Variants in BRWD3 observed in about 807,000 individuals in gnomAD.
BRWD3 encodes bromodomain and WD repeat-containing protein 3.
BRWD3 carries 10 observed loss-of-function variants against 149.7 expected under a neutral mutation model. The observed-to-expected ratio is 0.07, with a 90% CI of 0.04 to 0.11. BRWD3 has a LOEUF of 0.11. BRWD3 is among the 10% of genes least tolerant of loss of function. BRWD3 has a pLI of 1.00. For synonymous variants in BRWD3, 504 were observed against 456.7 expected (o/e 1.10, Z -1.32); for missense variants, 940 against 1,373.2 (o/e 0.68, Z 4.99).
At chrX:80,709,256 A>G (rs748012185) in intron 21 of BRWD3, among the ~76,000 whole-genome samples, 172 bp downstream of exon 21, 5 of 111,758 alleles carry the variant, frequency 4.5e-5, no homozygotes, top group African/African-American at 1.6e-4. Flanking sequence ...AGACATCTAA[A>G]TGAATTAAAT....
intron 20 of BRWD3, among the ~76,000 whole-genome samples, chrX:80,715,875 T>C (rs189349556): frequency 8.0e-5 from 9 of 111,996 alleles, no homozygotes; most frequent in African/African-American, 2.9e-4. Context: ...TCTGGTAATA[T>C]AGTTAAGGTT....
intron 27 of BRWD3, among the ~76,000 whole-genome samples, chrX:80,693,302 T>A (rs2072636859): frequency 8.9e-6 from 1 of 112,234 alleles, no homozygotes; most frequent in African/African-American, 3.2e-5. Flanking sequence ...CAAGCATAAT[T>A]TAACTTTTTT....
chrX:80,731,623 A>C (rs939992381), intron 12 of BRWD3, among the ~76,000 whole-genome samples: 1 of 111,138 alleles, frequency 9.0e-6, no homozygotes, highest in Non-Finnish European at 1.9e-5. Flanking sequence ...GGCCGGGCGC[A>C]GTGGCTCACG....
chrX:80,791,143 A>T (rs1167901391), intron 6 of BRWD3, among the ~76,000 whole-genome samples: 1 of 112,232 alleles, frequency 8.9e-6, no homozygotes, highest in Non-Finnish European at 1.9e-5. Flanking sequence ...TCCTTTTAAA[A>T]AAGTATTCAT....
At chrX:80,772,919 T>C (rs2073961585) in intron 6 of BRWD3, among the ~76,000 whole-genome samples, 1 of 112,152 alleles carries the variant, frequency 8.9e-6, no homozygotes, top group Admixed American at 9.5e-5. Context: ...TGAAAAGGAA[T>C]GAATACTGAC....
chrX:80,715,571 A>G (rs1482034375), intron 20 of BRWD3, among the ~76,000 whole-genome samples: 5 of 112,233 alleles, frequency 4.5e-5, no homozygotes, highest in African/African-American at 1.6e-4. Context: ...TTGCTCCTAA[A>G]TGATTTGGTA....
chrX:80,724,978 A>T lies in BRWD3; in HGVS notation c.1476T>A (p.Ile492=), dbSNP rs199948186. 8.3e-7 allele frequency: 1 copy of T among 1,208,655 alleles called. No homozygotes were observed. Among genetic ancestry groups the T allele is most frequent in the African/African-American group, 1.7e-5 (1 of 57,150 alleles). Residue 492 remains isoleucine, a synonymous_variant, in exon 15 of 41, where the codon ATT becomes ATA. Coordinates refer to ENST00000373275, the MANE Select transcript of BRWD3 (RefSeq NM_153252.5). ...LSAGHDGNIF[I]WDLDRGTKIR... is the part of the protein sequence containing the mutation. ...TTTTGGTCCCCCGGTCAAGGTCCCA[A>T]ATAAAAATGTTCCCATCATGACCTG...
At chrX:80,790,662 G>A (rs1056576570) in intron 6 of BRWD3, among the ~76,000 whole-genome samples, 1 of 111,384 alleles carries the variant, frequency 9.0e-6, no homozygotes, top group African/African-American at 3.3e-5. Flanking sequence ...GGGAAGAAGG[G>A]ATAAAGAAAG....
chrX:80,691,985 A>G lies in BRWD3; in HGVS notation c.3326-7T>C. 1 of 1,184,172 alleles carries G rather than the reference A, an allele frequency of 8.4e-7. No individual in the cohort carries two copies. The highest frequency in any genetic ancestry group is 1.1e-6 in the Non-Finnish European group (1 of 881,246). ...ACTTCATCTGGAAAGGCAGCTAGGT[A>G]TAAGATAAAAAAAAAAAAATTAGAA... On this transcript the variant is annotated splice_polypyrimidine_tract_variant and splice_region_variant and intron_variant, in intron 29 of 40. Coordinates refer to ENST00000373275, the MANE Select transcript of BRWD3 (RefSeq NM_153252.5).
At chrX:80,742,472 A>C (rs1182759243) in intron 8 of BRWD3, among the ~76,000 whole-genome samples, 1 of 106,787 alleles carries the variant, frequency 9.4e-6, no homozygotes, top group African/African-American at 3.5e-5. Context: ...CATTGAATCT[A>C]TAAATTACCT....
chrX:80,773,228 T>C (rs1399557457), intron 6 of BRWD3, among the ~76,000 whole-genome samples: 2 of 111,286 alleles, frequency 1.8e-5, no homozygotes, highest in Admixed American at 1.9e-4. Flanking sequence ...TATACATAAA[T>C]GAGTACAAGT....
chrX:80,689,959 C>T lies in BRWD3; in HGVS notation c.3728+8G>A. The T allele has an allele frequency of 3.3e-6, 4 of 1,208,348 alleles. No homozygotes were observed. The highest frequency in any genetic ancestry group is 4.5e-6 in the Non-Finnish European group (4 of 893,342). On this transcript the variant is annotated splice_region_variant and intron_variant, in intron 32 of 40. Coordinates refer to ENST00000373275, the MANE Select transcript of BRWD3 (RefSeq NM_153252.5). ...TTAGACTCTCTGGAAGCTAAAACTG[C>T]TTCTTACCCAATAAATCGAAGTAAG...
chrX:80,768,363 C>T, intron 6 of BRWD3, among the ~76,000 whole-genome samples: 1 of 111,723 alleles, frequency 9.0e-6, no homozygotes, highest in South Asian at 3.7e-4. Context: ...AGAAGCCCAT[C>T]AGATTAACAG....
At chrX:80,769,458 A>G (rs180723802) in intron 6 of BRWD3, among the ~76,000 whole-genome samples, 5 of 111,869 alleles carry the variant, frequency 4.5e-5, no homozygotes, top group Non-Finnish European at 7.5e-5. Flanking sequence ...CCACAAAACT[A>G]CATGGAAACT....
At chrX:80,691,749 T>C in intron 30 of BRWD3, 74 bp downstream of exon 30, 1 of 1,133,926 alleles carries the variant, frequency 8.8e-7, no homozygotes, top group Non-Finnish European at 1.2e-6. Flanking sequence ...CATATCCTTC[T>C]GTAGAACTTA....
Position 80,809,436 on chromosome X carries a change from C to T in BRWD3, c.31+5G>A, listed in dbSNP as rs1231009482. ...ACCCCCCCACCCCCCGACACAGCTA[C>T]CCACCGGCTTCGATCTGGGTAGGTG... On this transcript the variant is annotated splice_donor_5th_base_variant and intron_variant, in intron 1 of 40. Transcript: ENST00000373275. The T allele has an allele frequency of 8.7e-7, 1 of 1,155,535 alleles. No individual in the cohort carries two copies. Among genetic ancestry groups the T allele is most frequent in the Non-Finnish European group, 1.2e-6 (1 of 859,657 alleles).
At chrX:80,716,772 A>G (rs2073078732) in intron 19 of BRWD3, 1 of 119,723 alleles carries the variant, frequency 8.4e-6, no homozygotes, top group Admixed American at 8.6e-5. Flanking sequence ...ATAATGCCAC[A>G]TTTAACAGTG....
intron 20 of BRWD3, among the ~76,000 whole-genome samples, chrX:80,715,489 C>T (rs2073063313): frequency 8.9e-6 from 1 of 112,026 alleles, no homozygotes; most frequent in African/African-American, 3.2e-5. Context: ...CAAAACTATA[C>T]ATTTGGTGTA....
chrX:80,695,910 A>T lies in BRWD3; in HGVS notation c.3149T>A (p.Ile1050Asn). 2.5e-6 allele frequency: 3 copies of T among 1,205,179 alleles called. No homozygotes were observed. Among genetic ancestry groups the T allele is most frequent in the Non-Finnish European group, 3.4e-6 (3 of 889,831 alleles). ...TTAAACAACAATTCTATATTTACCA[A>T]TCTGCCAGTTCCTTTCTTTGGCTTC... Reference protein sequence around the residue: ...YNEAKERNWQIGDRFRSIIDD... With the variant: ...YNEAKERNWQNGDRFRSIIDD... Residue 1050 changes from isoleucine (I) to asparagine (N), a missense_variant and splice_region_variant, in exon 27 of 41, where the codon ATT (isoleucine) becomes AAT (asparagine). By Grantham distance (149) the Ile-to-Asn change is moderately radical. Around this residue, in one of 6 missense-constraint regions of BRWD3, gnomAD observed 158 missense variants for 284.0 expected, o/e 0.56. Coordinates refer to ENST00000373275, the MANE Select transcript of BRWD3 (RefSeq NM_153252.5).
Sources: gnomAD v4.1 joint callset for allele counts (sites outside exome capture counted in the v4.1 genomes callset) on GRCh38, gnomAD v4.1.1 for gene constraint, gnomAD v4.1.1 regional missense constraint, MANE v1.5 for transcripts, NCBI Gene and HGNC (gene_info 2026-07-23, HGNC 2026-07-21) for gene names.